Variants in LAMA2 observed in about 807,000 individuals in gnomAD.
The protein encoded by LAMA2 is laminin subunit alpha 2, also known as laminin subunit alpha-2.
Under a neutral mutation model 364.8 loss-of-function variants are expected in LAMA2, and 269 were observed. The ratio of observed to expected loss-of-function variants is 0.74; its 90% CI spans 0.67 to 0.82. The LOEUF (loss-of-function observed/expected upper bound fraction) is 0.82, where lower values mean the gene tolerates loss of function less well. LAMA2 is among the 40% of genes least tolerant of loss of function. The pLI, the probability that LAMA2 is intolerant of heterozygous loss-of-function variation, is 0.00. For synonymous variants in LAMA2, 1,379 were observed against 1,370.6 expected (o/e 1.01, Z -0.14); for missense variants, 3,807 against 3,873.2 (o/e 0.98, Z 0.45).
chr6:128,954,135 A>G (rs1781004950), intron 1 of LAMA2, among the ~76,000 whole-genome samples: 1 of 152,142 alleles, frequency 6.6e-6, no homozygotes, highest in African/African-American at 2.4e-5. Context: ...AAAATATAGC[A>G]TGCATGTGGA....
intron 4 of LAMA2, among the ~76,000 whole-genome samples, chr6:129,101,079 T>G (rs1775492338): frequency 6.6e-6 from 1 of 152,172 alleles, no homozygotes; most frequent in African/African-American, 2.4e-5. Flanking sequence ...TTGTTTATGT[T>G]CAAAACTTTA....
intron 10 of LAMA2, among the ~76,000 whole-genome samples, chr6:129,178,877 A>C (rs1780765323): frequency 6.6e-6 from 1 of 152,094 alleles, no homozygotes; most frequent in Non-Finnish European, 1.5e-5. Flanking sequence ...ATCAAGCTAA[A>C]TATAATAATA....
chr6:129,496,780 A>G (rs1255456852), intron 58 of LAMA2, among the ~76,000 whole-genome samples: 2 of 152,186 alleles, frequency 1.3e-5, no homozygotes, highest in Non-Finnish European at 2.9e-5. Flanking sequence ...AAAGAGGGAG[A>G]GTTGCTTTTT....
chr6:129,151,810 A>G (rs969159984), intron 7 of LAMA2, among the ~76,000 whole-genome samples: 53 of 152,312 alleles, frequency 3.5e-4, no homozygotes, highest in African/African-American at 1.2e-3. Context: ...CTCCCTCCAT[A>G]CGTGGAGATT....
rs769655658 is a variant in LAMA2, at chr6:129,481,321, T to C, written c.7631T>C (p.Ile2544Thr). The C allele has an allele frequency of 1.9e-5, 30 of 1,613,724 alleles. No individual in the cohort carries two copies. The highest frequency in any genetic ancestry group is 1.6e-4 in the Middle Eastern group (1 of 6,082). Reference protein sequence around the residue: ...PGFVELSPVPIDVGTEINLSF... With the variant: ...PGFVELSPVPTDVGTEINLSF... ...TTTGTGGAGCTCTCCCCTGTGCCAA[T>C]TGATGTAGGAACAGAAATCAACCTG... Residue 2544 changes from isoleucine to threonine, a missense_variant, in exon 55 of 65, where the codon ATT becomes ACT. Coordinates refer to ENST00000421865, the MANE Select transcript of LAMA2 (RefSeq NM_000426.4).
At chr6:129,297,416 C>G (rs960076708) in intron 20 of LAMA2, among the ~76,000 whole-genome samples, 9 of 152,236 alleles carry the variant, frequency 5.9e-5, no homozygotes, top group East Asian at 3.9e-4. Flanking sequence ...AGTACTGGGA[C>G]AGGCTGGTGA....
chr6:129,252,171 G>T lies in LAMA2; in HGVS notation c.1972G>T (p.Glu658Ter). The T allele has an allele frequency of 6.2e-7, 1 of 1,613,434 alleles. No individual in the cohort carries two copies. Among genetic ancestry groups the T allele is most frequent in the Non-Finnish European group, 8.5e-7 (1 of 1,179,480 alleles). Reference protein sequence around the residue: ...EHTNVLLLKEESFTIHGTHFP... With the variant: ...EHTNVLLLKE ...TACTAATGTATTGTTACTTAAAGAA[G>T]AATCATTTACCATACATGGCACACA... is the stretch of plus-strand genomic sequence containing the variant. The change falls in exon 14 of 65, where the codon GAA (glutamate) becomes TAA (stop). Residue 658 changes from glutamate to a stop codon, truncating the protein, a stop_gained. Coordinates refer to ENST00000421865, the MANE Select transcript of LAMA2 (RefSeq NM_000426.4). LOFTEE classifies it high-confidence loss of function.
chr6:129,315,072 G>A (rs1774493460), intron 24 of LAMA2, among the ~76,000 whole-genome samples: 1 of 152,164 alleles, frequency 6.6e-6, no homozygotes, highest in African/African-American at 2.4e-5. Flanking sequence ...GTTTTGAGAT[G>A]GGAAGAGTGA....
intron 40 of LAMA2, among the ~76,000 whole-genome samples, chr6:129,409,294 C>G (rs556876354): frequency 6.6e-6 from 1 of 152,286 alleles, no homozygotes; most frequent in African/African-American, 2.4e-5. Context: ...CTGCCTCTGT[C>G]AACTGATCAT....
At chr6:129,028,780 CTAAGTT>C (rs972434157) in intron 1 of LAMA2, among the ~76,000 whole-genome samples, 28 of 151,688 alleles carry the variant, frequency 1.8e-4, no homozygotes, top group African/African-American at 5.3e-4. Flanking sequence ...CTAGGTATGT[CTAAGTT>C]TAAGTTCTTA....
rs748468707 is a variant in LAMA2, at chr6:129,505,183, T to C, written c.8548-17T>C. 11 of 1,611,144 alleles carry C rather than the reference T, an allele frequency of 6.8e-6. No homozygotes were observed. The East Asian group carries it at 2.5e-4, about 36-fold the overall frequency. On this transcript the variant is annotated splice_polypyrimidine_tract_variant and intron_variant, in intron 60 of 64. Transcript: ENST00000421865. ...TTTGTTCAGGATTGGCATTAATGAC[T>C]CCTTTCTTTTTTGTAGATTAAGATA... is the stretch of plus-strand genomic sequence containing the variant.
At chr6:129,162,819 A>G (rs1779516827) in intron 8 of LAMA2, among the ~76,000 whole-genome samples, 1 of 152,070 alleles carries the variant, frequency 6.6e-6, no homozygotes, top group South Asian at 2.1e-4. Flanking sequence ...ATCTGTAAGC[A>G]AAGGATGTTT....
intron 47 of LAMA2, among the ~76,000 whole-genome samples, chr6:129,455,735 C>G (rs1782928162): frequency 6.6e-6 from 1 of 152,138 alleles, no homozygotes; most frequent in African/African-American, 2.4e-5. Flanking sequence ...AATTTGTACA[C>G]TGAAATCTGA....
intron 9 of LAMA2, among the ~76,000 whole-genome samples, chr6:129,169,331 G>A (rs543004895): frequency 4.3e-4 from 65 of 149,976 alleles, no homozygotes; most frequent in East Asian, 9.7e-4. Context: ...TTTGAATTAC[G>A]TCCCATCAAT....
At chr6:129,110,238 G>A (rs1410092971) in intron 4 of LAMA2, among the ~76,000 whole-genome samples, 1 of 151,940 alleles carries the variant, frequency 6.6e-6, no homozygotes, top group East Asian at 1.9e-4. Flanking sequence ...ACCAAACTGT[G>A]AAGCAGGAAC....
At chr6:129,057,288 A>G (rs1324196799) in intron 2 of LAMA2, among the ~76,000 whole-genome samples, 1 of 152,178 alleles carries the variant, frequency 6.6e-6, no homozygotes, top group Admixed American at 6.5e-5. Flanking sequence ...CAGGGTTCAC[A>G]TCCAAGATGT....
intron 1 of LAMA2, among the ~76,000 whole-genome samples, chr6:128,967,086 A>T (rs1029277292): frequency 6.6e-6 from 1 of 152,180 alleles, no homozygotes; most frequent in Non-Finnish European, 1.5e-5. Flanking sequence ...CAGACCAGGG[A>T]TGTGCCCCAG....
chr6:129,028,775 T>C (rs140598523), intron 1 of LAMA2, among the ~76,000 whole-genome samples: 532 of 151,946 alleles, frequency 3.5e-3, no homozygotes, highest in Non-Finnish European at 5.0e-3. Flanking sequence ...ATCTCCTAGG[T>C]ATGTCTAAGT....
chr6:129,125,828 G>A (rs1386673544), intron 4 of LAMA2, among the ~76,000 whole-genome samples: 1 of 151,964 alleles, frequency 6.6e-6, no homozygotes, highest in Non-Finnish European at 1.5e-5. Flanking sequence ...GTATTTGAGG[G>A]AATGGGTATG....
Sources: allele counts gnomAD v4.1 joint callset (sites outside exome capture counted in the v4.1 genomes callset), GRCh38; gene constraint gnomAD v4.1.1; transcripts MANE v1.5; gene names NCBI Gene and HGNC (gene_info 2026-07-23, HGNC 2026-07-21).